TULP4: variants seen among roughly 807,000 people sequenced by gnomAD.
The protein encoded by TULP4 is TUB like protein 4.
Under a neutral mutation model 129.0 loss-of-function variants are expected in TULP4, and 16 were observed. The observed-to-expected ratio is 0.12, with a 90% confidence interval of 0.08 to 0.19. The LOEUF (loss-of-function observed/expected upper bound fraction) is 0.19, where lower values mean the gene tolerates loss of function less well. TULP4 is among the 10% of genes least tolerant of loss of function. TULP4 has a pLI of 1.00. For missense variants in TULP4, 1,842 were observed against 2,059.1 expected, an observed-to-expected ratio of 0.89 and a Z score of 2.04; for synonymous variants, 998 against 854.0, an observed-to-expected ratio of 1.17 and a Z score of -2.94.
chr6:158,379,720 G>C (rs529534389), intron 1 of TULP4, among the ~76,000 whole-genome samples: 1 of 152,194 alleles, frequency 6.6e-6, no homozygotes, highest in African/African-American at 2.4e-5. Context: ...CATGCTTCTC[G>C]ATCAGGACAA....
Position 158,443,087 on chromosome 6 carries a change from G to A in TULP4, c.544-5909G>A, listed in dbSNP as rs541474710. 2.0e-3 allele frequency among the ~76,000 whole-genome samples: 300 copies of A among 152,000 alleles called. 2 individuals carry two copies. Among genetic ancestry groups the A allele is most frequent in the Middle Eastern group, 0.014 (4 of 294 alleles). The stretch of plus-strand genomic sequence containing the variant: ...CAACCTCCGCCTCCTGGGTTCAAGC[G>A]ATTCTTCTGCCTCAGCCTCCCAAAT... On this transcript the variant is annotated intron_variant, in intron 3 of 13. Coordinates refer to ENST00000367097, the MANE Select transcript of TULP4 (RefSeq NM_020245.5).
In TULP4 at chr6:158,430,353, G is replaced by GT. The variant is rs201461943; in HGVS notation, c.543+462dup. 6.7e-3 allele frequency among the ~76,000 whole-genome samples: 1,024 copies of GT among 152,210 alleles called. 11 individuals carry two copies. The highest frequency in any genetic ancestry group is 0.023 in the African/African-American group (963 of 41,538). ...TTTTATAGTAATGAGCCTCTGGTTC[G>GT]TTTTTTAAAAATTGAATTTCAAAAT... On this transcript the variant is annotated intron_variant, in intron 3 of 13. Coordinates refer to ENST00000367097, the MANE Select transcript of TULP4 (RefSeq NM_020245.5).
At chr6:158,427,463 T>A (rs956429215) in intron 2 of TULP4, among the ~76,000 whole-genome samples, 1 of 145,116 alleles carries the variant, frequency 6.9e-6, no homozygotes. Context: ...TTTTCAAAAT[T>A]ATCAGACCTT....
At chr6:158,266,274 A>G (rs762821748) in intron 1 of TULP4, among the ~76,000 whole-genome samples, 2 of 152,218 alleles carry the variant, frequency 1.3e-5, no homozygotes, top group African/African-American at 2.4e-5. Context: ...TACTTTTTTT[A>G]TGGAGACAGG....
At chr6:158,386,510 T>A (rs1281253009) in intron 1 of TULP4, among the ~76,000 whole-genome samples, 1 of 152,230 alleles carries the variant, frequency 6.6e-6, no homozygotes, top group Non-Finnish European at 1.5e-5. Flanking sequence ...AGAGGCAATG[T>A]AATAAATTTT....
At chr6:158,342,037 G>C (rs957944300) in intron 1 of TULP4, among the ~76,000 whole-genome samples, 1 of 152,212 alleles carries the variant, frequency 6.6e-6, no homozygotes, top group Non-Finnish European at 1.5e-5. Flanking sequence ...TCCTGCCTCA[G>C]CCTCCTGAGT....
chr6:158,245,823 T>C (rs1778018251), intron 1 of TULP4, among the ~76,000 whole-genome samples: 1 of 152,062 alleles, frequency 6.6e-6, no homozygotes. Context: ...TGGAAACATA[T>C]AGGCACAGAA....
At chr6:158,390,648 T>C (rs1298337856) in intron 1 of TULP4, among the ~76,000 whole-genome samples, 2 of 152,168 alleles carry the variant, frequency 1.3e-5, no homozygotes, top group African/African-American at 4.8e-5. Context: ...TGAACAATGC[T>C]AAGATCGAAC....
At chr6:158,412,719 G>A (rs1778123227) in intron 1 of TULP4, among the ~76,000 whole-genome samples, 1 of 152,114 alleles carries the variant, frequency 6.6e-6, no homozygotes, top group African/African-American at 2.4e-5. Flanking sequence ...CAAATCCATA[G>A]TAAATGTTGT....
At chr6:158,392,252 C>T (rs1414587757) in intron 1 of TULP4, among the ~76,000 whole-genome samples, 16 of 152,170 alleles carry the variant, frequency 1.1e-4, no homozygotes, top group African/African-American at 3.9e-4. Context: ...ACTATCACGA[C>T]AACAGCATGG....
chr6:158,241,817 A>G (rs1302627448), intron 1 of TULP4: 1 of 556,644 alleles, frequency 1.8e-6, no homozygotes, highest in Non-Finnish European at 3.4e-6. Context: ...CTGGTCTCGA[A>G]CTCCTGACCT....
intron 1 of TULP4, among the ~76,000 whole-genome samples, chr6:158,395,144 T>C (rs1042429271): frequency 6.6e-6 from 1 of 152,170 alleles, no homozygotes; most frequent in South Asian, 2.1e-4. Context: ...ATCCAAATCA[T>C]ATCAGGGGAT....
At chr6:158,355,277 G>A (rs1394479066) in intron 1 of TULP4, among the ~76,000 whole-genome samples, 2 of 151,986 alleles carry the variant, frequency 1.3e-5, no homozygotes, top group Non-Finnish European at 2.9e-5. Flanking sequence ...TAGAGGTGGG[G>A]GTCTTGTTCT....
At position 158,394,907 on chromosome 6, in the gene TULP4, C is replaced by G. The variant is rs1777670441; in HGVS notation, c.253-18158C>G. On this transcript the variant is annotated intron_variant, in intron 1 of 13. Transcript: ENST00000367097. ...AATAGGAAGGATGACTGGGAGGCCT[C>G]AGGATACTTGAAATCATGCAGTTGG... Among the ~76,000 whole-genome samples, 3 of 151,190 alleles carry G rather than the reference C, an allele frequency of 2.0e-5. No homozygotes were observed. The South Asian group carries it at 6.3e-4, about 32-fold the overall frequency.
chr6:158,476,123 T>G (rs1369973154), intron 6 of TULP4, among the ~76,000 whole-genome samples: 1 of 152,236 alleles, frequency 6.6e-6, no homozygotes, highest in Non-Finnish European at 1.5e-5. Context: ...CTTAAAATTA[T>G]TATGGCAAAG....
chr6:158,384,288 G>T (rs1202531855), intron 1 of TULP4, among the ~76,000 whole-genome samples: 1 of 85,408 alleles, frequency 1.2e-5, no homozygotes, highest in Non-Finnish European at 2.6e-5. Flanking sequence ...TGCCTGTTTA[G>T]CTTTTTTTTT....
At chr6:158,260,788 C>T (rs563474954) in intron 1 of TULP4, among the ~76,000 whole-genome samples, 1 of 148,984 alleles carries the variant, frequency 6.7e-6, no homozygotes, top group Non-Finnish European at 1.5e-5. Context: ...CTGTCATCGA[C>T]GCCTGGGGAA....
At chr6:158,419,423 AAC>A (rs1254620609) in intron 2 of TULP4, among the ~76,000 whole-genome samples, 1 of 152,266 alleles carries the variant, frequency 6.6e-6, no homozygotes, top group African/African-American at 2.4e-5. Context: ...ATTAAAAAGA[AAC>A]ACAATGTAGG....
At chr6:158,251,328 A>G (rs1300364138) in intron 1 of TULP4, among the ~76,000 whole-genome samples, 1 of 152,212 alleles carries the variant, frequency 6.6e-6, no homozygotes, top group Non-Finnish European at 1.5e-5. Context: ...CTTCTGTGTG[A>G]AAAATATTTT....
Sources: gnomAD v4.1 joint callset for allele counts (sites outside exome capture counted in the v4.1 genomes callset) on GRCh38, gnomAD v4.1.1 for gene constraint, MANE v1.5 for transcripts, NCBI Gene and HGNC (gene_info 2026-07-23, HGNC 2026-07-21) for gene names.